ZFYVE28: variants seen among roughly 807,000 people sequenced by gnomAD.
ZFYVE28 encodes zinc finger FYVE-type containing 28, also known as lateral signaling target protein 2 homolog.
A neutral mutation model predicts 82.1 loss-of-function variants in ZFYVE28; 40 were observed. The observed-to-expected ratio is 0.49, with a 90% CI of 0.38 to 0.63. The LOEUF (loss-of-function observed/expected upper bound fraction) is 0.63, where lower values mean the gene tolerates loss of function less well. Among genes scored for constraint, ZFYVE28 ranks in the 30% least tolerant of loss-of-function variants. ZFYVE28 has a pLI of 0.00. For missense variants in ZFYVE28, 1,321 were observed against 1,242.1 expected (o/e 1.06, Z -0.96); for synonymous variants, 612 against 546.1 (o/e 1.12, Z -1.68).
chr4:2,398,033 G>A (rs1175959648), intron 1 of ZFYVE28, among the ~76,000 whole-genome samples: 2 of 126,096 alleles, frequency 1.6e-5, no homozygotes, highest in African/African-American at 6.1e-5. Flanking sequence ...CAGGTGAGAT[G>A]GGAGGGGGGG....
At chr4:2,312,451 G>A (rs1014334615) in intron 7 of ZFYVE28, among the ~76,000 whole-genome samples, 39 of 152,140 alleles carry the variant, frequency 2.6e-4, no homozygotes, top group Non-Finnish European at 2.9e-5. Flanking sequence ...TTTTGGGGCC[G>A]GGCGCGGTGG....
Position 2,274,183 on chromosome 4 carries a change from C to T in ZFYVE28, c.2085G>A (p.Lys695=), listed in dbSNP as rs769124521. The change falls in exon 9 of 13, where the codon AAG becomes AAA. Residue 695 remains lysine (K), a synonymous_variant. Coordinates refer to ENST00000290974, the MANE Select transcript of ZFYVE28 (RefSeq NM_020972.3). ...SSTAGSCSSD[K]MGPEAAPAAT... is the part of the protein sequence containing the mutation. ...CTGCTGGGGCCGCCTCTGGCCCCAT[C>T]TTGTCTGAGGAGCAGGACCCAGCTG... The T allele has an allele frequency of 1.9e-6, 3 of 1,613,736 alleles. No homozygotes were observed. The highest frequency in any genetic ancestry group is 8.5e-7 in the Non-Finnish European group (1 of 1,179,998).
At chr4:2,277,066 C>T (rs1451182775) in intron 8 of ZFYVE28, among the ~76,000 whole-genome samples, 1 of 152,144 alleles carries the variant, frequency 6.6e-6, no homozygotes, top group East Asian at 1.9e-4. Context: ...GGCAGAAGGC[C>T]GGATTGGCGT....
chr4:2,399,098 G>GCACAAGCGTGGAGGTGAGATCCAGGA (rs1730870836), intron 1 of ZFYVE28, among the ~76,000 whole-genome samples: 1 of 26,300 alleles, frequency 3.8e-5, no homozygotes, highest in Non-Finnish European at 6.6e-5. Flanking sequence ...GAGATCCAGG[G>GCACAAGCGTGGAGGTGAGATCCAGGA]CACAAGCTGG....
chr4:2,341,757 T>G lies in ZFYVE28; in HGVS notation c.181-142A>C. On this transcript the variant is annotated intron_variant, in intron 2 of 12. Coordinates refer to ENST00000290974, the MANE Select transcript of ZFYVE28 (RefSeq NM_020972.3). This position sits in a 1 kb window ranked among gnomAD's most constrained non-coding sequence, Gnocchi z 4.5. ...AGAGGAGGCTAGGCACGGTGGCTCATGCCTATAATGCCAGCACTTTGGGAG... is the reference window on the plus strand; with the variant it reads ...AGAGGAGGCTAGGCACGGTGGCTCAGGCCTATAATGCCAGCACTTTGGGAG... 1 of 1,214,268 alleles carries G rather than the reference T, an allele frequency of 8.2e-7. No individual in the cohort carries two copies. Among genetic ancestry groups the G allele is most frequent in the South Asian group, 1.5e-5 (1 of 64,980 alleles). The allele number at this position is 1,214,268 out of a possible 1,614,324, so 75.2% of individuals were successfully genotyped here. A position where few individuals can be genotyped will look rare whatever the true frequency, so the allele number is the denominator to read the frequency against.
At chr4:2,314,986 G>C (rs1718000620) in intron 7 of ZFYVE28, among the ~76,000 whole-genome samples, 1 of 152,076 alleles carries the variant, frequency 6.6e-6, no homozygotes, top group Non-Finnish European at 1.5e-5. Context: ...ATGTTGTCCA[G>C]GCTGGTCTCA....
At position 2,320,264 on chromosome 4, in the gene ZFYVE28, C is replaced by T. The variant is rs771281448; in HGVS notation, c.709G>A (p.Val237Met). 12 of 1,613,872 alleles carry T rather than the reference C, an allele frequency of 7.4e-6. No individual in the cohort carries two copies. The highest frequency in any genetic ancestry group is 2.2e-5 in the East Asian group (1 of 44,890). ...TTCAGAGGTCCGTCCGCATAGACCA[C>T]GAGGCCACTGCATTTGAGACACAAA... Reference protein sequence around the residue: ...IPRLAIVCGLVVYADGPLNLD... With the variant: ...IPRLAIVCGLMVYADGPLNLD... The change falls in exon 7 of 13, where the codon GTG becomes ATG. Residue 237 changes from valine (V) to methionine (M), a missense_variant. This residue lies in a region of ZFYVE28 where 343 missense variants were observed against 408.4 expected (regional missense o/e 0.84). Coordinates refer to ENST00000290974, the MANE Select transcript of ZFYVE28 (RefSeq NM_020972.3). The surrounding 1 kb of genome is among the most constrained non-coding windows in gnomAD (Gnocchi z 5.1).
At chr4:2,325,176 A>G (rs1719677210) in intron 6 of ZFYVE28, 1 of 152,226 alleles carries the variant, frequency 6.6e-6, no homozygotes, top group South Asian at 2.1e-4. Context: ...CTGAAGAGAA[A>G]AAAAAAATTA....
intron 1 of ZFYVE28, among the ~76,000 whole-genome samples, chr4:2,356,414 A>AGTTGGTGTGCCTGCCCCCCCGGCC: frequency 1.1e-5 from 1 of 88,752 alleles, no homozygotes; most frequent in South Asian, 4.0e-4. Flanking sequence ...CCCCCCCGGC[A>AGTTGGTGTGCCTGCCCCCCCGGCC]GTTGGTGTGC....
chr4:2,298,615 A>C (rs1042165469), intron 8 of ZFYVE28, among the ~76,000 whole-genome samples: 6 of 152,294 alleles, frequency 3.9e-5, no homozygotes, highest in African/African-American at 1.4e-4. Context: ...CTACCATTCT[A>C]CCTAGAGCAA....
chr4:2,323,505 T>C (rs1032201164), intron 6 of ZFYVE28, among the ~76,000 whole-genome samples: 1 of 152,230 alleles, frequency 6.6e-6, no homozygotes, highest in African/African-American at 2.4e-5. Flanking sequence ...TCATTTTCTT[T>C]ATAATGTCCT....
At chr4:2,366,529 A>G (rs961769701) in intron 1 of ZFYVE28, among the ~76,000 whole-genome samples, 1 of 152,218 alleles carries the variant, frequency 6.6e-6, no homozygotes. Flanking sequence ...GCCAGCTCGG[A>G]GGGGCAGGTG....
At chr4:2,359,183 G>A (rs1397609573) in intron 1 of ZFYVE28, among the ~76,000 whole-genome samples, 2 of 150,722 alleles carry the variant, frequency 1.3e-5, no homozygotes, top group Non-Finnish European at 3.0e-5. Flanking sequence ...GGGTTTCATC[G>A]TGTCAGCCAG....
chr4:2,374,967 C>T (rs140820427), intron 1 of ZFYVE28, among the ~76,000 whole-genome samples: 483 of 152,338 alleles, frequency 3.2e-3, no homozygotes, highest in Non-Finnish European at 5.1e-3. Flanking sequence ...AGAGCCCAGT[C>T]CTCCTGTGGA....
intron 2 of ZFYVE28, among the ~76,000 whole-genome samples, chr4:2,346,103 T>C (rs554772409): frequency 6.2e-5 from 9 of 144,142 alleles, no homozygotes; most frequent in East Asian, 4.0e-4. Flanking sequence ...CCAGGGCGGG[T>C]GGATCACAAG....
rs1718922561 is a variant in ZFYVE28, at chr4:2,320,475, A to C, written c.702-204T>G. 6.6e-6 allele frequency among the ~76,000 whole-genome samples: 1 copy of C among 152,198 alleles called. No individual in the cohort carries two copies. The highest frequency in any genetic ancestry group is 2.1e-4 in the South Asian group (1 of 4,828). ...AAAAGCAGTGAGAATTATTACCCAG[A>C]CTTCATCCTCTTTTGCAGTTGATTA... On this transcript the variant is annotated intron_variant, in intron 6 of 12. Coordinates refer to ENST00000290974, the MANE Select transcript of ZFYVE28 (RefSeq NM_020972.3). This position sits in a 1 kb window ranked among gnomAD's most constrained non-coding sequence, Gnocchi z 5.1.
chr4:2,296,884 G>A (rs1577951375), intron 8 of ZFYVE28, among the ~76,000 whole-genome samples: 1 of 152,154 alleles, frequency 6.6e-6, no homozygotes, highest in African/African-American at 2.4e-5. Flanking sequence ...CTTCTACCTG[G>A]AGGCTGCCTG....
At chr4:2,313,097 ATTTTTCCAGG>A (rs1437180926) in intron 7 of ZFYVE28, among the ~76,000 whole-genome samples, 3 of 149,068 alleles carry the variant, frequency 2.0e-5, no homozygotes, top group South Asian at 2.1e-4. Context: ...GTAATTGGGG[ATTTTTCCAGG>A]TTTTTCCAGG....
In ZFYVE28 at chr4:2,362,611, A is replaced by C. The variant is rs1441330825; in HGVS notation, c.40-8538T>G. On this transcript the variant is annotated intron_variant, in intron 1 of 12. Transcript: ENST00000290974. This position sits in a 1 kb window ranked among gnomAD's most constrained non-coding sequence, Gnocchi z 5.1. ...AGGCCTCATCCACAGCAGACACCCC[A>C]GGGGCTGCCAGGCTGGGGGCCCACT... is the stretch of plus-strand genomic sequence containing the variant. Among the ~76,000 whole-genome samples, 2 of 151,528 alleles carry C rather than the reference A, an allele frequency of 1.3e-5. No homozygotes were observed. The highest frequency in any genetic ancestry group is 2.0e-4 in the East Asian group (1 of 5,044).
Sources: gnomAD v4.1 joint callset for allele counts (sites outside exome capture counted in the v4.1 genomes callset) on GRCh38, gnomAD v4.1.1 for gene constraint, gnomAD v4.1.1 regional missense constraint, Gnocchi (gnomAD v3.1) non-coding constraint, MANE v1.5 for transcripts, NCBI Gene and HGNC (gene_info 2026-07-23, HGNC 2026-07-21) for gene names.